Variants in ZNF626 observed in about 807,000 individuals in gnomAD.
The protein encoded by ZNF626 is CTC-513N18.7.
ZNF626 carries 4 observed loss-of-function variants against 11.7 expected under a neutral mutation model. That is an observed-to-expected ratio of 0.34 (90% confidence interval 0.17 to 0.78). The LOEUF (loss-of-function observed/expected upper bound fraction) is 0.78, where lower values mean the gene tolerates loss of function less well. Among genes scored for constraint, ZNF626 ranks in the 30% least tolerant of loss-of-function variants. The pLI is 0.57. For missense variants in ZNF626, 588 were observed against 587.1 expected, an observed-to-expected ratio of 1.00 and a Z score of -0.01; for synonymous variants, 179 against 198.6, an observed-to-expected ratio of 0.90 and a Z score of 0.83.
intron 3 of ZNF626, among the ~76,000 whole-genome samples, chr19:20,641,802 G>A (rs1395225284): frequency 6.6e-6 from 1 of 151,486 alleles, no homozygotes; most frequent in Non-Finnish European, 1.5e-5. Flanking sequence ...GAATCCTCCT[G>A]TCTTGGCCTC....
chr19:20,640,662 AAAAAAAAC>A lies in ZNF626; in HGVS notation c.226+5014_226+5021del, dbSNP rs1970014759. 2.0e-5 allele frequency among the ~76,000 whole-genome samples: 3 copies of A among 151,728 alleles called. No homozygotes were observed. In the South Asian group the frequency reaches 6.2e-4, roughly 32 times the overall value. On this transcript the variant is annotated intron_variant, in intron 3 of 3. Coordinates refer to ENST00000601440, the MANE Select transcript of ZNF626 (RefSeq NM_001076675.3). ...ATTACTAGTTTATAGAGAAATGAAA[AAAAAAAAC>A]ACAATGACAAACAAAATCACCTCAC...
chr19:20,625,670 C>CA lies in ZNF626; in HGVS notation c.227-21dup, dbSNP rs782317754. 56 of 1,514,174 alleles carry CA rather than the reference C, an allele frequency of 3.7e-5. 1 individual carries two copies. The Admixed American group carries it at 8.4e-4, about 23-fold the overall frequency. 93.8% of individuals were successfully genotyped at this position (1,514,174 alleles called of 1,614,324 possible). A position where few individuals can be genotyped will look rare whatever the true frequency, so the allele number is the denominator to read the frequency against. ...ACATTACTGAAAGAAACAATAAAAA[C>CA]ACATTACTTCAATTGGTAGACTCAG... On this transcript the variant is annotated intron_variant, in intron 3 of 3. Coordinates refer to ENST00000601440, the MANE Select transcript of ZNF626 (RefSeq NM_001076675.3).
At chr19:20,648,119 T>G (rs1011157792) in intron 1 of ZNF626, among the ~76,000 whole-genome samples, 2 of 147,398 alleles carry the variant, frequency 1.4e-5, no homozygotes, top group Non-Finnish European at 3.0e-5. Context: ...AAGGTTGTGG[T>G]GAGCCGAGAT....
At chr19:20,645,569 A>G (rs1164162042) in intron 3 of ZNF626, 115 bp downstream of exon 3, 3 of 1,554,678 alleles carry the variant, frequency 1.9e-6, no homozygotes, top group East Asian at 4.6e-5. Context: ...GCTGCCCAAG[A>G]ACTATTTCCT....
intron 3 of ZNF626, among the ~76,000 whole-genome samples, chr19:20,628,048 C>T (rs1313789601): frequency 3.9e-5 from 6 of 152,154 alleles, no homozygotes; most frequent in Admixed American, 2.0e-4. Flanking sequence ...TTTGTCCTTG[C>T]GATAGTTTGC....
chr19:20,624,289 A>G lies in ZNF626; in HGVS notation c.*1T>C. On this transcript the variant is annotated 3_prime_UTR_variant, in exon 4 of 4. Coordinates refer to ENST00000601440, the MANE Select transcript of ZNF626 (RefSeq NM_001076675.3). The stretch of plus-strand genomic sequence containing the variant: ...TTTGTAGAATTTCTCTCCAGTATGA[A>G]TTATCTTATGTGTAGTAAGGTGTGA... 1 of 1,613,808 alleles carries G rather than the reference A, an allele frequency of 6.2e-7. No homozygotes were observed. The highest frequency in any genetic ancestry group is 8.5e-7 in the Non-Finnish European group (1 of 1,179,946).
Position 20,625,060 on chromosome 19 carries a change from T to A in ZNF626, c.817A>T (p.Ser273Cys), listed in dbSNP as rs1555769361. Residue 273 changes from serine (S) to cysteine (C), a missense_variant, in exon 4 of 4, where the codon AGT (serine) becomes TGT (cysteine). This residue lies in a region of ZNF626 where 524 missense variants were observed against 470.1 expected (regional missense o/e 1.11). Coordinates refer to ENST00000601440, the MANE Select transcript of ZNF626 (RefSeq NM_001076675.3). ...TCCGTATGAATTATCTCATGTTTAC[T>A]AAGGGTTGAGGATGACATAAAGGCT... is the stretch of plus-strand genomic sequence containing the variant. ...GKAFMSSSTLSKHEIIHTEKK... is the reference protein window; with the variant it reads ...GKAFMSSSTLCKHEIIHTEKK... 1 of 1,613,766 alleles carries A rather than the reference T, an allele frequency of 6.2e-7. No individual in the cohort carries two copies. The highest frequency in any genetic ancestry group is 8.5e-7 in the Non-Finnish European group (1 of 1,179,880).
In ZNF626 at chr19:20,645,533, CCAAACAAA is replaced by C. The variant is rs782365866; in HGVS notation, c.226+143_226+150del. The C allele has an allele frequency of 3.8e-6, 6 of 1,558,476 alleles. No homozygotes were observed. In the African/African-American group the frequency reaches 5.6e-5, roughly 14 times the overall value. On this transcript the variant is annotated intron_variant, in intron 3 of 3. Coordinates refer to ENST00000601440, the MANE Select transcript of ZNF626 (RefSeq NM_001076675.3). ...GTAAGCAAAATTAAAAAAGAAAAAA[CCAAACAAA>C]CAAACAAACAAAAAATAGCTGCCCA...
intron 3 of ZNF626, among the ~76,000 whole-genome samples, chr19:20,632,782 A>G (rs868920093): frequency 5.3e-5 from 8 of 151,412 alleles, no homozygotes; most frequent in African/African-American, 1.9e-4. Context: ...CCTTCTCTCA[A>G]CTCGTCAAAG....
intron 3 of ZNF626, chr19:20,645,244 A>C (rs782607742): frequency 2.8e-5 from 39 of 1,406,534 alleles, no homozygotes; most frequent in Non-Finnish European, 3.6e-5. Flanking sequence ...GTGCAGAAAA[A>C]TGAACAAAAA....
At position 20,621,643 on chromosome 19, in the gene ZNF626, C is replaced by T. The variant is rs1969759407; in HGVS notation, c.*2647G>A. 1 of 152,076 alleles carries T rather than the reference C, an allele frequency of 6.6e-6. No homozygotes were observed. The highest frequency in any genetic ancestry group is 2.1e-4 in the South Asian group (1 of 4,826). 9.4% of individuals were successfully genotyped at this position (152,076 alleles called of 1,614,324 possible). On this transcript the variant is annotated 3_prime_UTR_variant, in exon 4 of 4. Coordinates refer to ENST00000601440, the MANE Select transcript of ZNF626 (RefSeq NM_001076675.3). Reference sequence around the variant, plus strand: ...AAATATTCTCTATAAGACATATATACACATACTATATACTCACAGATAGTA... The same window carrying T: ...AAATATTCTCTATAAGACATATATATACATACTATATACTCACAGATAGTA...
chr19:20,635,432 T>A (rs1247252554), intron 3 of ZNF626, among the ~76,000 whole-genome samples: 2 of 152,188 alleles, frequency 1.3e-5, no homozygotes, highest in African/African-American at 4.8e-5. Flanking sequence ...AAGTGATTCC[T>A]CTGCCTCAGC....
rs185677156 is a variant in ZNF626 at position 20,623,098 on chromosome 19, T to C, written c.*1192A>G. 1.9e-3 allele frequency: 292 copies of C among 152,506 alleles called. No individual in the cohort carries two copies. Among genetic ancestry groups the C allele is most frequent in the African/African-American group, 6.7e-3 (279 of 41,590 alleles). The allele number at this position is 152,506 out of a possible 1,614,324, so 9.4% of individuals were successfully genotyped here. ...TCTTCTTCACTTTAAAGGCTTATAT[T>C]TTCTGAAAGATTTTTTGACAGTAAT... is the stretch of plus-strand genomic sequence containing the variant. On this transcript the variant is annotated 3_prime_UTR_variant, in exon 4 of 4. Transcript: ENST00000601440.
rs1013263014 is a variant in ZNF626, at chr19:20,624,115, G to A, written c.*175C>T. The A allele has an allele frequency of 1.8e-6, 2 of 1,081,954 alleles. No individual in the cohort carries two copies. Among genetic ancestry groups the A allele is most frequent in the Non-Finnish European group, 2.9e-6 (2 of 698,794 alleles). The allele number at this position is 1,081,954 out of a possible 1,614,324, so 67.0% of individuals were successfully genotyped here. A position where few individuals can be genotyped will look rare whatever the true frequency, so the allele number is the denominator to read the frequency against. On this transcript the variant is annotated 3_prime_UTR_variant, in exon 4 of 4. Transcript: ENST00000601440. ...TTCACATCTGTAGGGTTTCTCTCCA[G>A]TATGAAATCTCTTATGTGTAGTAAG...
intron 1 of ZNF626, among the ~76,000 whole-genome samples, chr19:20,652,616 G>T (rs1356421141): frequency 1.3e-5 from 2 of 152,162 alleles, no homozygotes; most frequent in Non-Finnish European, 2.9e-5. Context: ...TGGCAATAGT[G>T]AACAGTCTCA....
intron 3 of ZNF626, among the ~76,000 whole-genome samples, chr19:20,641,771 T>C (rs7258883): frequency 0.048 from 7,308 of 151,900 alleles, 205 homozygotes; most frequent in African/African-American, 0.049. Flanking sequence ...CCCAGGCTGG[T>C]CTCAAACTTC....
chr19:20,625,108 A>G lies in ZNF626; in HGVS notation c.769T>C (p.Tyr257His), dbSNP rs782685901. 42 of 1,613,176 alleles carry G rather than the reference A, an allele frequency of 2.6e-5. No homozygotes were observed. Among genetic ancestry groups the G allele is most frequent in the Non-Finnish European group, 3.4e-5 (40 of 1,179,808 alleles). ...GCTTTGCCACATTTATCACACTTGT[A>G]GGGTTTCTCTCCAGTATGATTTCTC... ...HKRNHTGEKP[Y>H]KCDKCGKAFM... Residue 257 changes from tyrosine to histidine, a missense_variant, in exon 4 of 4, where the codon TAC becomes CAC. Transcript: ENST00000601440.
intron 3 of ZNF626, 124 bp downstream of exon 3, chr19:20,645,560 C>T (rs1599483184): frequency 1.3e-6 from 2 of 1,549,408 alleles, no homozygotes; most frequent in Non-Finnish European, 1.7e-6. Context: ...CAAAAAATAG[C>T]TGCCCAAGAA....
At chr19:20,661,249 A>G (rs1056649141) in intron 1 of ZNF626, among the ~76,000 whole-genome samples, 195 bp downstream of exon 1, 5 of 152,142 alleles carry the variant, frequency 3.3e-5, no homozygotes, top group African/African-American at 9.6e-5. Context: ...GTGAAGAGAC[A>G]AGACGCCCGG....
Sources: allele counts gnomAD v4.1 joint callset (sites outside exome capture counted in the v4.1 genomes callset), GRCh38; gene constraint gnomAD v4.1.1; regional missense constraint gnomAD v4.1.1; transcripts MANE v1.5; gene names NCBI Gene and HGNC (gene_info 2026-07-23, HGNC 2026-07-21).